CSMD1: variants seen among roughly 807,000 people sequenced by gnomAD.
The protein encoded by CSMD1 is CUB and sushi domain-containing protein 1.
CSMD1 carries 213 observed loss-of-function variants against 417.5 expected under a neutral mutation model. That is an observed-to-expected ratio of 0.51 (90% CI 0.46 to 0.57). The LOEUF (loss-of-function observed/expected upper bound fraction) is 0.57. Ranked by LOEUF, CSMD1 falls within the 20% of genes least tolerant of loss-of-function variation. CSMD1 has a pLI of 0.00. For synonymous variants in CSMD1, 2,862 were observed against 1,736.8 expected (o/e 1.65, Z -16.11); for missense variants, 6,923 against 4,529.7 (o/e 1.53, Z -15.17).
intron 6 of CSMD1, among the ~76,000 whole-genome samples, chr8:3,748,708 A>C (rs1037598068): frequency 2.0e-5 from 3 of 152,256 alleles, no homozygotes; most frequent in South Asian, 2.1e-4. Context: ...AATTAGAATT[A>C]ACCTGGGAAC....
At chr8:4,415,336 G>C (rs73658852) in intron 3 of CSMD1, among the ~76,000 whole-genome samples, 8,119 of 152,158 alleles carry the variant, frequency 0.053, 731 homozygotes, top group African/African-American at 0.19. Context: ...GCTTCTGCAG[G>C]GATTCCTCCT....
At chr8:3,818,316 T>A (rs190708241) in intron 5 of CSMD1, among the ~76,000 whole-genome samples, 1 of 152,122 alleles carries the variant, frequency 6.6e-6, no homozygotes. Context: ...AACATACACA[T>A]GTTCCAAAGA....
chr8:4,903,665 G>T (rs7017594), intron 1 of CSMD1, among the ~76,000 whole-genome samples: 2,021 of 152,222 alleles, frequency 0.013, 42 homozygotes, highest in African/African-American at 0.045. Context: ...AAGTTATTCA[G>T]GACTAAATGT....
chr8:3,687,363 TA>T (rs1433715759), intron 7 of CSMD1, among the ~76,000 whole-genome samples: 2 of 152,228 alleles, frequency 1.3e-5, no homozygotes, highest in Non-Finnish European at 2.9e-5. Context: ...CCCTTTCTAT[TA>T]AAATCCATGG....
intron 20 of CSMD1, 101 bp from the exon 21 acceptor site, chr8:3,359,441 A>G: frequency 1.1e-6 from 1 of 896,646 alleles, no homozygotes; most frequent in African/African-American, 1.7e-5. Context: ...AAAAAAAAAA[A>G]AACCTACATA....
At chr8:4,441,889 T>C (rs563911138) in intron 2 of CSMD1, among the ~76,000 whole-genome samples, 2 of 152,336 alleles carry the variant, frequency 1.3e-5, no homozygotes, top group South Asian at 2.1e-4. Context: ...AGTATGCTGC[T>C]ACAATTTTAG....
intron 12 of CSMD1, among the ~76,000 whole-genome samples, chr8:3,411,991 CGT>C (rs1210847280): frequency 1.4e-5 from 1 of 72,054 alleles, no homozygotes; most frequent in African/African-American, 6.6e-5. Flanking sequence ...CGTATATATA[CGT>C]GTATATACAC....
intron 3 of CSMD1, among the ~76,000 whole-genome samples, chr8:4,307,721 G>C (rs1400308363): frequency 6.6e-6 from 1 of 152,148 alleles, no homozygotes; most frequent in African/African-American, 2.4e-5. Context: ...TTGACCATGA[G>C]TGGGAATGAA....
At chr8:3,724,988 T>A (rs1459126377) in intron 6 of CSMD1, among the ~76,000 whole-genome samples, 1 of 152,216 alleles carries the variant, frequency 6.6e-6, no homozygotes, top group Non-Finnish European at 1.5e-5. Context: ...TTGTTTGGTA[T>A]CCTAATATTT....
intron 68 of CSMD1, among the ~76,000 whole-genome samples, chr8:2,947,363 T>A (rs1802319313): frequency 6.6e-6 from 1 of 152,236 alleles, no homozygotes; most frequent in Non-Finnish European, 1.5e-5. Flanking sequence ...AAATAGATGC[T>A]TGCCATCATT....
chr8:3,264,731 T>C (rs1021601816), intron 26 of CSMD1, among the ~76,000 whole-genome samples: 5 of 152,158 alleles, frequency 3.3e-5, no homozygotes, highest in African/African-American at 1.2e-4. Context: ...TGATTGCTAA[T>C]AGAGTTTAAT....
intron 7 of CSMD1, among the ~76,000 whole-genome samples, chr8:3,653,987 G>A (rs551210381): frequency 1.4e-4 from 21 of 152,260 alleles, no homozygotes; most frequent in African/African-American, 4.8e-4. Context: ...AATGTGATTT[G>A]AACTTGGATC....
chr8:4,299,411 G>A (rs1439086877), intron 3 of CSMD1, among the ~76,000 whole-genome samples: 2 of 152,070 alleles, frequency 1.3e-5, no homozygotes, highest in African/African-American at 2.4e-5. Flanking sequence ...CATGAGAGAG[G>A]TGATTTTCAG....
At chr8:4,630,050 C>T (rs981275938) in intron 2 of CSMD1, among the ~76,000 whole-genome samples, 1 of 152,088 alleles carries the variant, frequency 6.6e-6, no homozygotes, top group East Asian at 1.9e-4. Context: ...TTAAAAAAAG[C>T]CAAGATATGG....
intron 50 of CSMD1, among the ~76,000 whole-genome samples, chr8:3,047,053 C>T (rs1462453835): frequency 6.6e-6 from 1 of 151,766 alleles, no homozygotes; most frequent in Non-Finnish European, 1.5e-5. Flanking sequence ...TCTAAAAATA[C>T]AAAAATTAGC....
At chr8:4,554,040 T>C (rs146607330) in intron 2 of CSMD1, among the ~76,000 whole-genome samples, 3 of 152,322 alleles carry the variant, frequency 2.0e-5, no homozygotes, top group African/African-American at 7.2e-5. Context: ...TGTTCCACAT[T>C]ATATCCCTGC....
At chr8:4,951,460 A>AG (rs1029289286) in intron 1 of CSMD1, among the ~76,000 whole-genome samples, 1 of 151,208 alleles carries the variant, frequency 6.6e-6, no homozygotes, top group Non-Finnish European at 1.5e-5. Context: ...AAGGAAGGAA[A>AG]GAAGGAAGGA....
At chr8:4,956,941 G>T (rs893264723) in intron 1 of CSMD1, among the ~76,000 whole-genome samples, 7 of 152,182 alleles carry the variant, frequency 4.6e-5, no homozygotes, top group African/African-American at 1.7e-4. Context: ...TGGACACAAG[G>T]GAGGAAAGCA....
At chr8:4,054,766 A>G (rs1798605158) in intron 3 of CSMD1, among the ~76,000 whole-genome samples, 1 of 152,134 alleles carries the variant, frequency 6.6e-6, no homozygotes, top group Non-Finnish European at 1.5e-5. Context: ...GGGGTTGATG[A>G]TGACATCTAC....
Sources: allele counts gnomAD v4.1 joint callset (sites outside exome capture counted in the v4.1 genomes callset), GRCh38; gene constraint gnomAD v4.1.1; transcripts MANE v1.5; gene names NCBI Gene and HGNC (gene_info 2026-07-23, HGNC 2026-07-21).